LRMDA: variants seen among roughly 807,000 people sequenced by gnomAD.
The protein encoded by LRMDA is leucine-rich melanocyte differentiation-associated protein.
In LRMDA, 18 loss-of-function variants were observed where a neutral mutation model predicts 29.8. That is an observed-to-expected ratio of 0.60 (90% CI 0.42 to 0.90). LRMDA has a LOEUF of 0.90. LRMDA is among the 40% of genes least tolerant of loss of function. The probability of loss-of-function intolerance (pLI) is 0.00; values close to 1 mark genes in which losing one functional copy is unlikely to be tolerated. For missense variants in LRMDA, 273 were observed against 273.9 expected (o/e 1.00, Z 0.02); for synonymous variants, 125 against 109.4 (o/e 1.14, Z -0.89).
intron 6 of LRMDA, among the ~76,000 whole-genome samples, chr10:76,384,555 C>T (rs1841637102): frequency 6.6e-6 from 1 of 152,162 alleles, no homozygotes; most frequent in South Asian, 2.1e-4. Flanking sequence ...ACAATTGGAC[C>T]TCATCTTCAC....
At chr10:76,279,539 CTTTTTTTTTTTT>C (rs759651873) in intron 5 of LRMDA, among the ~76,000 whole-genome samples, 1 of 93,810 alleles carries the variant, frequency 1.1e-5, no homozygotes, top group Non-Finnish European at 2.1e-5. Context: ...ACAAATGCTT[CTTTTTTTTTTTT>C]TTTTTTTTTT....
At chr10:75,719,743 C>T (rs1842543588) in intron 2 of LRMDA, among the ~76,000 whole-genome samples, 1 of 152,128 alleles carries the variant, frequency 6.6e-6, no homozygotes, top group Admixed American at 6.5e-5. Flanking sequence ...TGGCCATGGC[C>T]TACCCAGTCT....
At chr10:75,963,713 T>C (rs1156440169) in intron 2 of LRMDA, among the ~76,000 whole-genome samples, 1 of 152,196 alleles carries the variant, frequency 6.6e-6, no homozygotes, top group Non-Finnish European at 1.5e-5. Context: ...TACCTGCTTT[T>C]GAGTGAGGGC....
chr10:76,232,604 C>T (rs1394674228), intron 5 of LRMDA, among the ~76,000 whole-genome samples: 1 of 152,204 alleles, frequency 6.6e-6, no homozygotes, highest in Non-Finnish European at 1.5e-5. Flanking sequence ...CTACCCTGGC[C>T]TTGCTCGACC....
At chr10:76,179,241 G>C (rs550581091) in intron 5 of LRMDA, among the ~76,000 whole-genome samples, 8 of 152,104 alleles carry the variant, frequency 5.3e-5, no homozygotes, top group Non-Finnish European at 7.4e-5. Context: ...TCAAGGAGGG[G>C]GGGGTGGTGG....
chr10:75,564,786 G>T (rs1039261145), intron 2 of LRMDA, among the ~76,000 whole-genome samples: 6 of 152,142 alleles, frequency 3.9e-5, no homozygotes, highest in Non-Finnish European at 7.3e-5. Flanking sequence ...GAGAGTTTGG[G>T]TCAGTATGAC....
intron 2 of LRMDA, among the ~76,000 whole-genome samples, chr10:75,592,812 T>C (rs914915705): frequency 9.8e-5 from 15 of 152,358 alleles, no homozygotes; most frequent in African/African-American, 3.6e-4. Flanking sequence ...AGAGTAATAA[T>C]AGGTGCTGTC....
chr10:75,498,471 C>T (rs758883078), intron 2 of LRMDA, among the ~76,000 whole-genome samples: 7 of 152,080 alleles, frequency 4.6e-5, no homozygotes, highest in Non-Finnish European at 1.0e-4. Context: ...CGAGTGTTTG[C>T]GTGTGCATGC....
chr10:75,657,947 C>T (rs1179932479), intron 2 of LRMDA, among the ~76,000 whole-genome samples: 1 of 152,090 alleles, frequency 6.6e-6, no homozygotes, highest in African/African-American at 2.4e-5. Context: ...TTCCTCTAAA[C>T]AGTGCATCCC....
At chr10:75,454,339 C>T (rs561038897) in intron 2 of LRMDA, among the ~76,000 whole-genome samples, 2 of 152,110 alleles carry the variant, frequency 1.3e-5, no homozygotes, top group East Asian at 3.8e-4. Context: ...CTGGCTTCTG[C>T]AACTCTCACT....
chr10:76,325,429 T>G (rs1302736928), intron 6 of LRMDA, among the ~76,000 whole-genome samples: 1 of 152,226 alleles, frequency 6.6e-6, no homozygotes, highest in African/African-American at 2.4e-5. Flanking sequence ...TTTAGTTAAT[T>G]TTGTGAAAAA....
chr10:76,246,097 C>G (rs1852370361), intron 5 of LRMDA, among the ~76,000 whole-genome samples: 2 of 152,164 alleles, frequency 1.3e-5, no homozygotes, highest in Non-Finnish European at 2.9e-5. Flanking sequence ...GGAAACTCTA[C>G]CAAAGTTCAC....
At chr10:75,475,425 C>T (rs1238902449) in intron 2 of LRMDA, among the ~76,000 whole-genome samples, 1 of 152,126 alleles carries the variant, frequency 6.6e-6, no homozygotes, top group Non-Finnish European at 1.5e-5. Context: ...GTCCTCCTCC[C>T]TGCTCCAATT....
intron 6 of LRMDA, among the ~76,000 whole-genome samples, chr10:76,536,505 A>C (rs988377479): frequency 2.6e-5 from 4 of 152,150 alleles, no homozygotes; most frequent in Admixed American, 6.5e-5. Context: ...CTGAAGAGCG[A>C]TTGATCTAGA....
intron 2 of LRMDA, among the ~76,000 whole-genome samples, chr10:75,810,776 A>G (rs1156755368): frequency 1.3e-5 from 2 of 152,208 alleles, no homozygotes; most frequent in African/African-American, 4.8e-5. Flanking sequence ...GTAAGGAAAG[A>G]GGTGGACTAT....
intron 2 of LRMDA, among the ~76,000 whole-genome samples, chr10:75,746,852 G>A (rs1247791950): frequency 6.6e-6 from 1 of 152,048 alleles, no homozygotes; most frequent in Non-Finnish European, 1.5e-5. Context: ...TAGAAGCTTT[G>A]GAAGTGAGAG....
rs539068763 is a variant in LRMDA at position 75,747,685 on chromosome 10, G to T, written c.132-288323G>T. Among the ~76,000 whole-genome samples, 3 of 152,164 alleles carry T rather than the reference G, an allele frequency of 2.0e-5. No individual in the cohort carries two copies. In the South Asian group the frequency reaches 6.2e-4, roughly 32 times the overall value. ...AATGATCAGATATTTTAGGGTCATAGGGTTCTAAAATTAGATGTAGAGGAA... is the reference window on the plus strand; with the variant it reads ...AATGATCAGATATTTTAGGGTCATATGGTTCTAAAATTAGATGTAGAGGAA... On this transcript the variant is annotated intron_variant, in intron 2 of 6. Transcript: ENST00000611255.
At chr10:75,440,602 G>C (rs1484974672) in intron 2 of LRMDA, among the ~76,000 whole-genome samples, 1 of 152,186 alleles carries the variant, frequency 6.6e-6, no homozygotes, top group Non-Finnish European at 1.5e-5. Context: ...TAATTGGAGG[G>C]AAGAGCAGGG....
At chr10:75,707,527 C>T (rs928592483) in intron 2 of LRMDA, among the ~76,000 whole-genome samples, 7 of 152,308 alleles carry the variant, frequency 4.6e-5, no homozygotes, top group Non-Finnish European at 4.4e-5. Context: ...AGATGAAAGC[C>T]GGTGACCGAG....
Sources: allele counts gnomAD v4.1 joint callset (sites outside exome capture counted in the v4.1 genomes callset), GRCh38; gene constraint gnomAD v4.1.1; transcripts MANE v1.5; gene names NCBI Gene and HGNC (gene_info 2026-07-23, HGNC 2026-07-21).